The following GK variants were observed in gnomAD, a reference collection of about 807,000 sequenced individuals.
GK encodes the protein ATP:glycerol 3-phosphotransferase.
In GK, 9 loss-of-function variants were observed where a neutral mutation model predicts 56.4. That is an observed-to-expected ratio of 0.16 (90% CI 0.10 to 0.28). GK has a LOEUF of 0.28. Ranked by LOEUF, GK falls within the 10% of genes least tolerant of loss-of-function variation. The pLI, the probability that GK is intolerant of heterozygous loss-of-function variation, is 1.00. For synonymous variants in GK, 104 were observed against 144.1 expected (o/e 0.72, Z 1.99); for missense variants, 161 against 431.4 (o/e 0.37, Z 5.55).
intron 4 of GK, chrX:30,678,196 C>T (rs1361023759): frequency 1.3e-5 from 5 of 397,251 alleles, no homozygotes; most frequent in South Asian, 8.8e-5. Context: ...ATAGAATATT[C>T]GAATTTTAGC....
At chrX:30,661,657 G>C (rs758141671) in intron 1 of GK, among the ~76,000 whole-genome samples, 8 of 111,008 alleles carry the variant, frequency 7.2e-5, no homozygotes, top group Non-Finnish European at 1.5e-4. Context: ...ATAATTCTGG[G>C]TTACATGTCC....
At position 30,718,526 on chromosome X, in the gene GK, T is replaced by C; in HGVS notation, c.976-12T>C. The C allele has an allele frequency of 1.7e-6, 2 of 1,154,301 alleles. No individual in the cohort carries two copies. The highest frequency in any genetic ancestry group is 1.2e-6 in the Non-Finnish European group (1 of 844,022). ...AAAATATATTCTGTCTTGAATTCCTTTTTTTCTTTAGGGTTCTGTAGCTAT... is the reference window on the plus strand; with the variant it reads ...AAAATATATTCTGTCTTGAATTCCTCTTTTTCTTTAGGGTTCTGTAGCTAT... On this transcript the variant is annotated splice_polypyrimidine_tract_variant and intron_variant, in intron 13 of 20. Coordinates refer to ENST00000427190, the MANE Select transcript of GK (RefSeq NM_001205019.2).
At chrX:30,701,909 A>G (rs1035088158) in intron 11 of GK, among the ~76,000 whole-genome samples, 9 of 112,572 alleles carry the variant, frequency 8.0e-5, no homozygotes, top group Non-Finnish European at 1.1e-4. Context: ...GCCTTGACAC[A>G]AAAGCAGAAC....
At chrX:30,709,726 A>G (rs1377905506) in intron 13 of GK, among the ~76,000 whole-genome samples, 1 of 111,006 alleles carries the variant, frequency 9.0e-6, no homozygotes, top group African/African-American at 3.3e-5. Flanking sequence ...TATTAAATTA[A>G]TATTTATTAA....
intron 12 of GK, 50 bp from the exon 13 acceptor site, chrX:30,708,004 T>G: frequency 1.3e-6 from 1 of 777,040 alleles, no homozygotes; most frequent in Non-Finnish European, 2.0e-6. Context: ...AGTTCTCATG[T>G]TATCTTTTCA....
chrX:30,679,265 C>G (rs1601894874), intron 4 of GK, among the ~76,000 whole-genome samples: 1 of 104,551 alleles, frequency 9.6e-6, no homozygotes, highest in East Asian at 3.0e-4. Context: ...TTCTCTTTCA[C>G]TCAGGCAGGA....
intron 4 of GK, chrX:30,678,137 G>A: frequency 2.2e-6 from 1 of 447,402 alleles, no homozygotes. Context: ...GTACTTGTGT[G>A]TTTGTCTTTC....
intron 4 of GK, chrX:30,687,549 T>A (rs200927108): frequency 1.3e-4 from 44 of 340,536 alleles, no homozygotes; most frequent in Non-Finnish European, 2.5e-4. Context: ...CAGTTTCTCC[T>A]GGCCCTTCAG....
At chrX:30,708,849 T>C (rs1253805582) in intron 13 of GK, among the ~76,000 whole-genome samples, 1 of 112,297 alleles carries the variant, frequency 8.9e-6, no homozygotes, top group Admixed American at 9.5e-5. Flanking sequence ...TGCAGACTCA[T>C]TGAGGCTCAT....
intron 5 of GK, among the ~76,000 whole-genome samples, chrX:30,691,723 C>T (rs1162855565): frequency 3.6e-5 from 4 of 110,141 alleles, no homozygotes; most frequent in African/African-American, 9.9e-5. Context: ...CCGCCCACTT[C>T]GGCCTCCCAA....
At chrX:30,662,835 T>TCTCTC (rs1569141144) in intron 1 of GK, among the ~76,000 whole-genome samples, 15 of 31,418 alleles carry the variant, frequency 4.8e-4, no homozygotes, top group South Asian at 2.0e-3. Context: ...CTCTCTCTCT[T>TCTCTC]TCTTTCTTTC....
intron 13 of GK, among the ~76,000 whole-genome samples, chrX:30,717,885 C>T (rs993358128): frequency 1.8e-5 from 2 of 111,024 alleles, no homozygotes; most frequent in African/African-American, 6.5e-5. Flanking sequence ...GAAATGGAGG[C>T]TCAGAAAGCC....
chrX:30,688,484 A>G (rs1224241865), intron 4 of GK, among the ~76,000 whole-genome samples: 1 of 102,142 alleles, frequency 9.8e-6, no homozygotes, highest in East Asian at 3.0e-4. Context: ...ACTGGGTGAC[A>G]GAAAGAGACT....
intron 13 of GK, among the ~76,000 whole-genome samples, chrX:30,708,654 G>A (rs769325472): frequency 1.8e-5 from 2 of 111,591 alleles, no homozygotes; most frequent in East Asian, 5.6e-4. Context: ...AAACATTTTT[G>A]TATGTTATAG....
At chrX:30,665,065 A>G (rs896189779) in intron 1 of GK, among the ~76,000 whole-genome samples, 1 of 111,598 alleles carries the variant, frequency 9.0e-6, no homozygotes, top group African/African-American at 3.3e-5. Context: ...AGGAATCTAC[A>G]CAGTACGTGT....
intron 3 of GK, among the ~76,000 whole-genome samples, chrX:30,672,898 CTTA>C (rs1261866292): frequency 2.7e-5 from 3 of 111,767 alleles, no homozygotes; most frequent in African/African-American, 6.5e-5. Context: ...CTCTGAAGCT[CTTA>C]TTATTTTGTT....
intron 1 of GK, among the ~76,000 whole-genome samples, chrX:30,658,328 T>G (rs1356593545): frequency 3.6e-5 from 4 of 111,518 alleles, no homozygotes; most frequent in Non-Finnish European, 5.7e-5. Context: ...TGTTTTTTTT[T>G]TTTCTGAGAC....
At chrX:30,685,343 C>T (rs1209404472) in intron 4 of GK, among the ~76,000 whole-genome samples, 1 of 111,470 alleles carries the variant, frequency 9.0e-6, no homozygotes, top group Non-Finnish European at 1.9e-5. Context: ...CCGTGTTAGC[C>T]AGGATGGTCT....
intron 3 of GK, among the ~76,000 whole-genome samples, chrX:30,669,032 G>T (rs1933280040): frequency 9.0e-6 from 1 of 110,736 alleles, no homozygotes; most frequent in Non-Finnish European, 1.9e-5. Context: ...GATAGATGAG[G>T]ATGCCTTTTG....
Sources: allele counts gnomAD v4.1 joint callset (sites outside exome capture counted in the v4.1 genomes callset), GRCh38; gene constraint gnomAD v4.1.1; transcripts MANE v1.5; gene names NCBI Gene and HGNC (gene_info 2026-07-23, HGNC 2026-07-21).